MAGI2: variants seen among roughly 807,000 people sequenced by gnomAD.
The protein encoded by MAGI2 is membrane associated guanylate kinase, WW and PDZ domain containing 2.
In MAGI2, 35 loss-of-function variants were observed where a neutral mutation model predicts 133.3. That is an observed-to-expected ratio of 0.26 (90% CI 0.20 to 0.35). The LOEUF is 0.35. Ranked by LOEUF, MAGI2 falls within the 10% of genes least tolerant of loss-of-function variation. The probability of loss-of-function intolerance (pLI) is 1.00; values close to 1 mark genes in which losing one functional copy is unlikely to be tolerated. For missense variants in MAGI2, 1,636 were observed against 1,863.4 expected, an observed-to-expected ratio of 0.88 and a Z score of 2.25; for synonymous variants, 729 against 710.6, an observed-to-expected ratio of 1.03 and a Z score of -0.41.
chr7:79,051,853 T>C (rs1046093255), intron 1 of MAGI2, among the ~76,000 whole-genome samples: 2 of 152,150 alleles, frequency 1.3e-5, no homozygotes, highest in African/African-American at 4.8e-5. Flanking sequence ...TAAATATTTG[T>C]TAATTTTGAC....
intron 1 of MAGI2, among the ~76,000 whole-genome samples, chr7:79,446,808 G>T (rs373865094): frequency 2.6e-5 from 4 of 152,136 alleles, no homozygotes; most frequent in African/African-American, 2.4e-5. Context: ...AACATTAACC[G>T]GGCGTGGATG....
chr7:78,518,209 A>G (rs1796200350), intron 4 of MAGI2: 1 of 152,236 alleles, frequency 6.6e-6, no homozygotes, highest in African/African-American at 2.4e-5. Context: ...AATAAAAGCA[A>G]TATGAAGTTT....
Position 78,036,122 on chromosome 7 carries a change from A to G in MAGI2, c.3707-16146T>C, listed in dbSNP as rs117314993. Among the ~76,000 whole-genome samples, 1,418 of 152,210 alleles carry G rather than the reference A, an allele frequency of 9.3e-3. 7 individuals carry two copies. Among genetic ancestry groups the G allele is most frequent in the Non-Finnish European group, 0.016 (1,086 of 68,010 alleles). On this transcript the variant is annotated intron_variant, in intron 21 of 21. Coordinates refer to ENST00000354212, the MANE Select transcript of MAGI2 (RefSeq NM_012301.4). ...TGCCAGTAGCAACCTGAGGTGGATT[A>G]CCTATTGAATGAATTCCACTTCAGT...
At chr7:78,771,481 G>A (rs1310426592) in intron 2 of MAGI2, among the ~76,000 whole-genome samples, 2 of 152,152 alleles carry the variant, frequency 1.3e-5, no homozygotes, top group African/African-American at 4.8e-5. Flanking sequence ...TAGAGATTAA[G>A]CATTTTTGTT....
At chr7:78,965,495 G>A (rs570242065) in intron 2 of MAGI2, among the ~76,000 whole-genome samples, 6 of 151,810 alleles carry the variant, frequency 4.0e-5, no homozygotes, top group African/African-American at 1.4e-4. Context: ...TTAAGTGAGG[G>A]TATAATCATT....
chr7:79,015,442 G>A (rs1808603170), intron 1 of MAGI2, among the ~76,000 whole-genome samples: 1 of 152,058 alleles, frequency 6.6e-6, no homozygotes, highest in African/African-American at 2.4e-5. Flanking sequence ...TCACGACACA[G>A]AACACCTTGC....
chr7:78,230,753 CT>C (rs917945827), intron 10 of MAGI2, among the ~76,000 whole-genome samples: 2 of 152,130 alleles, frequency 1.3e-5, no homozygotes, highest in Non-Finnish European at 2.9e-5. Flanking sequence ...TTCTGGGCAT[CT>C]TTTGGTTTCT....
At chr7:78,795,953 T>C (rs1314981271) in intron 2 of MAGI2, among the ~76,000 whole-genome samples, 1 of 152,032 alleles carries the variant, frequency 6.6e-6, no homozygotes, top group Non-Finnish European at 1.5e-5. Flanking sequence ...TGAAACTAGA[T>C]CCCATCTTTC....
intron 2 of MAGI2, among the ~76,000 whole-genome samples, chr7:78,698,863 T>C (rs530808513): frequency 2.2e-4 from 34 of 152,274 alleles, no homozygotes; most frequent in African/African-American, 8.2e-4. Context: ...AACCACCCCA[T>C]GATTCAATTA....
intron 6 of MAGI2, among the ~76,000 whole-genome samples, chr7:78,394,680 A>T (rs1423443118): frequency 6.6e-6 from 1 of 152,144 alleles, no homozygotes; most frequent in Non-Finnish European, 1.5e-5. Flanking sequence ...ATAGCCCTTA[A>T]CACTTACAGG....
intron 2 of MAGI2, among the ~76,000 whole-genome samples, chr7:78,968,697 T>C (rs532379190): frequency 6.6e-6 from 1 of 151,820 alleles, no homozygotes; most frequent in Middle Eastern, 3.4e-3. Context: ...GAAGTCATTT[T>C]ATTTATCAAT....
intron 2 of MAGI2, among the ~76,000 whole-genome samples, chr7:78,912,923 C>T (rs1321054230): frequency 2.0e-5 from 3 of 151,004 alleles, no homozygotes; most frequent in African/African-American, 7.3e-5. Context: ...CAGGGGCTGG[C>T]AAAGATTCCC....
rs1344132376 is a variant in MAGI2, at chr7:78,654,695, ACATATATG to A, written c.419-27464_419-27457del. 5.5e-5 allele frequency among the ~76,000 whole-genome samples: 6 copies of A among 108,708 alleles called. No homozygotes were observed. The South Asian group carries it at 1.8e-3, about 34-fold the overall frequency. 71.3% of individuals were successfully genotyped at this position (108,708 alleles called of 152,430 possible). On this transcript the variant is annotated intron_variant, in intron 2 of 21. Coordinates refer to ENST00000354212, the MANE Select transcript of MAGI2 (RefSeq NM_012301.4). ...TTTGTAATTATTTGTGTGTACTTTT[ACATATATG>A]TATATATATATATATATATATATAT...
intron 21 of MAGI2, among the ~76,000 whole-genome samples, chr7:78,070,218 T>TATATATATAC (rs1453553515): frequency 1.9e-5 from 1 of 52,274 alleles, no homozygotes; most frequent in African/African-American, 4.7e-5. Context: ...TATATATATA[T>TATATATATAC]ACACACACAC....
rs34749986 is a variant in MAGI2, at chr7:78,824,622, G to GT, written c.418+182467dup. ...CCTTCACGCACTTTTTGATGGGGTT[G>GT]TTTTTTTTCTAGTAAATTTATTTAA... On this transcript the variant is annotated intron_variant, in intron 2 of 21. Coordinates refer to ENST00000354212, the MANE Select transcript of MAGI2 (RefSeq NM_012301.4). Among the ~76,000 whole-genome samples, 63 of 151,700 alleles carry GT rather than the reference G, an allele frequency of 4.2e-4. No individual in the cohort carries two copies. The East Asian group carries it at 6.4e-3, about 16-fold the overall frequency.
At chr7:78,480,231 T>C (rs1448022263) in intron 6 of MAGI2, among the ~76,000 whole-genome samples, 2 of 151,858 alleles carry the variant, frequency 1.3e-5, no homozygotes, top group African/African-American at 4.8e-5. Context: ...GACAGTTGTT[T>C]TACTGGAGAA....
intron 2 of MAGI2, among the ~76,000 whole-genome samples, chr7:78,634,241 T>C (rs1347673686): frequency 6.6e-6 from 1 of 152,250 alleles, no homozygotes; most frequent in Non-Finnish European, 1.5e-5. Context: ...TTGTCTTTTG[T>C]AGACAGTCAT....
At chr7:78,754,642 T>A (rs946632453) in intron 2 of MAGI2, among the ~76,000 whole-genome samples, 3 of 152,276 alleles carry the variant, frequency 2.0e-5, no homozygotes, top group Admixed American at 6.5e-5. Flanking sequence ...CAATTAGATA[T>A]TCTGGACACA....
intron 1 of MAGI2, among the ~76,000 whole-genome samples, chr7:79,128,472 T>C (rs563919122): frequency 1.4e-3 from 213 of 152,212 alleles, no homozygotes; most frequent in Non-Finnish European, 2.6e-3. Context: ...AGACACAGTG[T>C]CACTGTCACT....
Sources: allele counts gnomAD v4.1 joint callset (sites outside exome capture counted in the v4.1 genomes callset), GRCh38; gene constraint gnomAD v4.1.1; transcripts MANE v1.5; gene names NCBI Gene and HGNC (gene_info 2026-07-23, HGNC 2026-07-21).